COL21A1: variants seen among roughly 807,000 people sequenced by gnomAD.
The protein encoded by COL21A1 is collagen alpha-1(XXI) chain.
A neutral mutation model predicts 137.9 loss-of-function variants in COL21A1; 149 were observed. The ratio of observed to expected loss-of-function variants is 1.08; its 90% CI spans 0.95 to 1.24. The LOEUF is 1.24. COL21A1 is among the 50% of genes most tolerant of loss of function. COL21A1 has a pLI of 0.00. For synonymous variants in COL21A1, 456 were observed against 391.5 expected, an observed-to-expected ratio of 1.16 and a Z score of -1.95; for missense variants, 1,167 against 1,158.4, an observed-to-expected ratio of 1.01 and a Z score of -0.11.
chr6:56,278,012 T>C (rs1214531173), intron 1 of COL21A1, among the ~76,000 whole-genome samples: 2 of 152,190 alleles, frequency 1.3e-5, no homozygotes, highest in African/African-American at 2.4e-5. Context: ...CATAAAATAA[T>C]GATATTGTTC....
At chr6:56,070,682 AAAT>A in intron 21 of COL21A1, 60 bp downstream of exon 21, 1 of 1,122,316 alleles carries the variant, frequency 8.9e-7, no homozygotes, top group Non-Finnish European at 1.3e-6. Context: ...TAATTTTCTT[AAAT>A]AATGAGGGGA....
Position 56,308,453 on chromosome 6 carries a change from A to T in COL21A1, c.-39+85518T>A, listed in dbSNP as rs142209463. On this transcript the variant is annotated intron_variant, in intron 1 of 28. Coordinates refer to the COL21A1 transcript ENST00000370819. ...ACAATAAATTAACCTTGAGTACATT[A>T]TACTAGGTGACGTAAGCCAGTCACC... 1.8e-3 allele frequency among the ~76,000 whole-genome samples: 272 copies of T among 152,374 alleles called. 1 individual carries two copies. Among genetic ancestry groups the T allele is most frequent in the Middle Eastern group, 6.8e-3 (2 of 294 alleles).
At chr6:56,227,690 T>G (rs1781296294) in intron 1 of COL21A1, among the ~76,000 whole-genome samples, 1 of 152,074 alleles carries the variant, frequency 6.6e-6, no homozygotes, top group South Asian at 2.1e-4. Context: ...TCTACTATTA[T>G]TCAGGCAATG....
intron 10 of COL21A1, among the ~76,000 whole-genome samples, chr6:56,154,852 A>G (rs1448306942): frequency 1.3e-5 from 2 of 152,082 alleles, no homozygotes; most frequent in African/African-American, 2.4e-5. Flanking sequence ...CCAGGTGGCT[A>G]CCACTTTTGT....
intron 18 of COL21A1, among the ~76,000 whole-genome samples, chr6:56,075,912 A>C (rs560424256): frequency 6.6e-6 from 1 of 151,526 alleles, no homozygotes; most frequent in African/African-American, 2.4e-5. Context: ...AAATAACAGC[A>C]TTAGACTTCA....
At chr6:56,153,059 C>T (rs1011792702) in intron 10 of COL21A1, among the ~76,000 whole-genome samples, 1 of 152,076 alleles carries the variant, frequency 6.6e-6, no homozygotes, top group African/African-American at 2.4e-5. Context: ...GCAATAAAGT[C>T]ATATGACATC....
chr6:56,255,815 A>T (rs1782955562), intron 1 of COL21A1, among the ~76,000 whole-genome samples: 1 of 152,180 alleles, frequency 6.6e-6, no homozygotes, highest in Non-Finnish European at 1.5e-5. Flanking sequence ...GCCGCAATGT[A>T]CCTGGTAAGG....
At chr6:56,123,422 G>A (rs1231232232) in intron 16 of COL21A1, among the ~76,000 whole-genome samples, 2 of 152,106 alleles carry the variant, frequency 1.3e-5, no homozygotes, top group South Asian at 2.1e-4. Context: ...AAGAAAATTT[G>A]AACTGAATTT....
intron 2 of COL21A1, among the ~76,000 whole-genome samples, chr6:56,180,549 C>T (rs73747606): frequency 0.013 from 2,036 of 152,164 alleles, 43 homozygotes; most frequent in African/African-American, 0.047. Context: ...CTATTCCTTG[C>T]TTAGTAGAGA....
At chr6:56,057,880 C>A in intron 29 of COL21A1, 36 bp from the exon 30 acceptor site, 1 of 1,401,490 alleles carries the variant, frequency 7.1e-7, no homozygotes, top group Non-Finnish European at 9.3e-7. Flanking sequence ...AAACAGAGGA[C>A]TTTAGTTTTT....
chr6:56,236,026 G>T (rs2152320973), intron 1 of COL21A1, among the ~76,000 whole-genome samples: 1 of 152,092 alleles, frequency 6.6e-6, no homozygotes, highest in East Asian at 1.9e-4. Context: ...TGGCTGTCAA[G>T]AATTAATTTG....
intron 17 of COL21A1, among the ~76,000 whole-genome samples, chr6:56,097,454 C>T (rs973119492): frequency 1.3e-5 from 2 of 152,068 alleles, no homozygotes; most frequent in Admixed American, 1.3e-4. Context: ...CTGTAAGCCT[C>T]CATGAGGCAG....
At chr6:56,332,486 T>TC (rs1389536336) in intron 1 of COL21A1, among the ~76,000 whole-genome samples, 1 of 151,536 alleles carries the variant, frequency 6.6e-6, no homozygotes, top group Non-Finnish European at 1.5e-5. Flanking sequence ...ATTTTTTTTT[T>TC]TTGCTACATT....
In COL21A1 at chr6:56,179,802, G is replaced by T. The variant is rs2152280667; in HGVS notation, c.416C>A (p.Ala139Glu). ...GGATTTGCCATCCGTAAGTACCACT[G>T]CTATCTTAGTCAGAAATCGTGAGGA... ...AKSSRFLTKIAVVLTDGKSQD... is the reference protein window; with the variant it reads ...AKSSRFLTKIEVVLTDGKSQD... The change falls in exon 3 of 30, where the codon GCA becomes GAA. Residue 139 changes from alanine (A) to glutamate (E), a missense_variant. Transcript: ENST00000244728. The T allele has an allele frequency of 1.2e-6, 2 of 1,613,910 alleles. No individual in the cohort carries two copies. Among genetic ancestry groups the T allele is most frequent in the Non-Finnish European group, 1.7e-6 (2 of 1,179,822 alleles).
chr6:56,124,243 G>T lies in COL21A1; in HGVS notation c.1700C>A (p.Pro567His), dbSNP rs1256589081. The T allele has an allele frequency of 1.9e-6, 3 of 1,600,954 alleles. No homozygotes were observed. Among genetic ancestry groups the T allele is most frequent in the Non-Finnish European group, 2.6e-6 (3 of 1,173,246 alleles). ...GNAGFPGLPG[P>H]AGEPGRHGKD... ...GCTTTTTTCTATCAAACTCACAGCA[G>T]GTCCAGGGAGGCCAGGGAAGCCAGC... Residue 567 changes from proline to histidine, a missense_variant, in exon 15 of 30, where the codon CCT becomes CAT. Coordinates refer to ENST00000244728, the MANE Select transcript of COL21A1 (RefSeq NM_030820.4).
chr6:56,389,984 G>A (rs2094025930), intron 1 of COL21A1, among the ~76,000 whole-genome samples: 1 of 152,154 alleles, frequency 6.6e-6, no homozygotes, highest in African/African-American at 2.4e-5. Context: ...TAAATCATCT[G>A]TAGGTATAAA....
At chr6:56,202,613 A>G (rs575472261) in intron 1 of COL21A1, among the ~76,000 whole-genome samples, 1 of 152,312 alleles carries the variant, frequency 6.6e-6, no homozygotes, top group Non-Finnish European at 1.5e-5. Flanking sequence ...TATCCACCTA[A>G]GTGATCTCTT....
At chr6:56,305,120 T>C (rs1764409806) in intron 1 of COL21A1, among the ~76,000 whole-genome samples, 3 of 152,234 alleles carry the variant, frequency 2.0e-5, no homozygotes, top group African/African-American at 7.2e-5. Flanking sequence ...ATTTCTATTC[T>C]TTTACATTTG....
chr6:56,298,363 A>C (rs1162265776), intron 1 of COL21A1, among the ~76,000 whole-genome samples: 1 of 152,118 alleles, frequency 6.6e-6, no homozygotes, highest in Admixed American at 6.6e-5. Flanking sequence ...TCATTCTCAG[A>C]TGTCTGTCTC....
Sources: gnomAD v4.1 joint callset for allele counts (sites outside exome capture counted in the v4.1 genomes callset) on GRCh38, gnomAD v4.1.1 for gene constraint, MANE v1.5 for transcripts, NCBI Gene and HGNC (gene_info 2026-07-23, HGNC 2026-07-21) for gene names.